Variants in ZMYM3 observed in about 807,000 individuals in gnomAD.
ZMYM3 encodes the protein zinc finger MYM-type protein 3.
Under a neutral mutation model 94.2 loss-of-function variants are expected in ZMYM3, and 6 were observed. The observed-to-expected ratio is 0.06, with a 90% CI of 0.03 to 0.13. The LOEUF (loss-of-function observed/expected upper bound fraction) is 0.13. ZMYM3 is among the 10% of genes least tolerant of loss of function. The pLI, the probability that ZMYM3 is intolerant of heterozygous loss-of-function variation, is 1.00. For missense variants in ZMYM3, 664 were observed against 1,132.6 expected, an observed-to-expected ratio of 0.59 and a Z score of 5.94; for synonymous variants, 420 against 426.5, an observed-to-expected ratio of 0.98 and a Z score of 0.19.
rs755939731 is a variant in ZMYM3 at position 71,249,012 on chromosome X, C to T, written c.1621+7G>A. 8 of 1,210,966 alleles carry T rather than the reference C, an allele frequency of 6.6e-6. No homozygotes were observed. The highest frequency in any genetic ancestry group is 3.5e-5 in the African/African-American group (2 of 57,644). On this transcript the variant is annotated splice_region_variant and intron_variant, in intron 8 of 24. Coordinates refer to ENST00000314425, the MANE Select transcript of ZMYM3 (RefSeq NM_201599.3). ...AGGGGACTCAGAGAAGAGGGCTTTG[C>T]ACCTACCAGTGAGCCCTGCCTGCTT... is the stretch of plus-strand genomic sequence containing the variant.
chrX:71,255,128 C>CTCTCTCTCTG (rs2030704071), upstream of ZMYM3: 1 of 89,778 alleles, frequency 1.1e-5, no homozygotes, highest in Non-Finnish European at 2.2e-5. Context: ...CTCTCTCTCT[C>CTCTCTCTCTG]TCTCTCTCTC....
At chrX:71,241,425 G>A (rs890481322) in intron 23 of ZMYM3, 81 bp from the exon 24 acceptor site, 52 of 744,147 alleles carry the variant, frequency 7.0e-5, no homozygotes, top group South Asian at 1.1e-4. Context: ...TCAGGGCACA[G>A]GGAGAAGGCG....
Position 71,240,942 on chromosome X carries a change from G to A in ZMYM3, c.4087C>T (p.Arg1363Cys), listed in dbSNP as rs1171454033. ...CAGTCCAGGTCTTCCTCCCCAGGAC[G>A]ACCCAGTTCCTCATAAATCTCGCGC... ...AVREIYEELG[R>C]PGEEDLD Residue 1363 changes from arginine (R) to cysteine (C), a missense_variant, in exon 25 of 25, where the codon CGT becomes TGT. Coordinates refer to ENST00000314425, the MANE Select transcript of ZMYM3 (RefSeq NM_201599.3). 35 of 1,209,197 alleles carry A rather than the reference G, an allele frequency of 2.9e-5. No homozygotes were observed. Among genetic ancestry groups the A allele is most frequent in the Non-Finnish European group, 3.9e-5 (35 of 894,829 alleles).
At chrX:71,246,263 A>G (rs1293221292) in intron 15 of ZMYM3, 90 bp downstream of exon 15, 4 of 1,152,119 alleles carry the variant, frequency 3.5e-6, no homozygotes, top group Non-Finnish European at 4.7e-6. Flanking sequence ...TCAGCTACCT[A>G]AGAAATCCCC....
chrX:71,248,397 C>G lies in ZMYM3; in HGVS notation c.1824+41G>C, dbSNP rs775449796. The stretch of plus-strand genomic sequence containing the variant: ...AAGTGGAAGGACCCCTTCAGACAGT[C>G]TGGTCGTGTGGCAAGACGTGGGTGG... On this transcript the variant is annotated intron_variant, in intron 10 of 24. Transcript: ENST00000314425. The G allele has an allele frequency of 1.0e-5, 12 of 1,193,742 alleles. No homozygotes were observed. In the East Asian group the frequency reaches 3.6e-4, roughly 36 times the overall value.
upstream of ZMYM3, chrX:71,255,211 GCTCTCT>G (rs1176621878): frequency 6.8e-5 from 5 of 73,384 alleles, no homozygotes; most frequent in African/African-American, 2.6e-4. Flanking sequence ...CTCTCTTCTC[GCTCTCT>G]CTCTCTCTCT....
rs1474042610 is a variant in ZMYM3 at position 71,249,511 on chromosome X, C to G, written c.1420G>C (p.Gly474Arg). 1 of 1,203,633 alleles carries G rather than the reference C, an allele frequency of 8.3e-7. No individual in the cohort carries two copies. The change falls in exon 7 of 25, where the codon GGC becomes CGC. Residue 474 changes from glycine (G) to arginine (R), a missense_variant. This residue lies in a region of ZMYM3 where 159 missense variants were observed against 313.0 expected (regional missense o/e 0.51). Transcript: ENST00000314425. ...SPGPELLFHE[G>R]QQKRFCNTTC... ...GTGTTGCAGAACCGCTTTTGTTGGC[C>G]CTCGTGGAAGAGGAGCTCAGGGCCA...
At chrX:71,247,575 C>CG in intron 12 of ZMYM3, 65 bp from the exon 13 acceptor site, 1 of 1,160,947 alleles carries the variant, frequency 8.6e-7, no homozygotes, top group Non-Finnish European at 1.2e-6. Flanking sequence ...TTCTTTCCCC[C>CG]GGGATAAGCC....
intron 1 of ZMYM3, among the ~76,000 whole-genome samples, chrX:71,253,501 T>C (rs1243944711): frequency 1.2e-5 from 1 of 81,853 alleles, no homozygotes; most frequent in South Asian, 6.6e-4. Flanking sequence ...GTGCCCACAC[T>C]GGCCAGGCAG....
In ZMYM3 at chrX:71,246,479, G is replaced by GCC; in HGVS notation, c.2445_2446insGG (p.Pro816GlyfsTer24). 1 of 333,450 alleles carries GCC rather than the reference G, an allele frequency of 3.0e-6. No homozygotes were observed. The highest frequency in any genetic ancestry group is 5.6e-6 in the Non-Finnish European group (1 of 178,483). The allele number at this position is 333,450 out of a possible 1,213,427, so 27.5% of individuals were successfully genotyped here. A position where few individuals can be genotyped will look rare whatever the true frequency, so the allele number is the denominator to read the frequency against. ...GGGGGTGGTGGGGGTGGAGGGGTGGGAGCAGTGGGAGCTGATCGGGTCTTC... is the reference window on the plus strand; with the variant it reads ...GGGGGTGGTGGGGGTGGAGGGGTGGGCCAGCAGTGGGAGCTGATCGGGTCTTC... On this transcript the variant is annotated frameshift_variant, in exon 15 of 25. Transcript: ENST00000314425. LOFTEE classifies it high-confidence loss of function.
Position 71,246,479 on chromosome X carries a change from G to GGA in ZMYM3, c.2445_2446insTC (p.Pro816SerfsTer24). ...GGGGGTGGTGGGGGTGGAGGGGTGG[G>GGA]AGCAGTGGGAGCTGATCGGGTCTTC... On this transcript the variant is annotated frameshift_variant, in exon 15 of 25. Coordinates refer to ENST00000314425, the MANE Select transcript of ZMYM3 (RefSeq NM_201599.3). LOFTEE classifies it high-confidence loss of function. The GGA allele has an allele frequency of 2.1e-5, 7 of 333,464 alleles. No individual in the cohort carries two copies. The highest frequency in any genetic ancestry group is 3.9e-5 in the Non-Finnish European group (7 of 178,498). The allele number at this position is 333,464 out of a possible 1,213,427, so 27.5% of individuals were successfully genotyped here. A position where few individuals can be genotyped will look rare whatever the true frequency, so the allele number is the denominator to read the frequency against.
At position 71,246,073 on chromosome X, in the gene ZMYM3, C is replaced by T; in HGVS notation, c.2598G>A (p.Val866=). The T allele has an allele frequency of 4.1e-6, 5 of 1,210,923 alleles. No homozygotes were observed. Among genetic ancestry groups the T allele is most frequent in the Non-Finnish European group, 5.6e-6 (5 of 895,087 alleles). The change falls in exon 16 of 25, where the codon GTG becomes GTA. Residue 866 remains valine, a synonymous_variant. Coordinates refer to ENST00000314425, the MANE Select transcript of ZMYM3 (RefSeq NM_201599.3). ...CGAAGATGGGCACTGGGATGGGCAG[C>T]ACGATCACCTGTGGCTTCCACTCTT... is the stretch of plus-strand genomic sequence containing the variant. ...QTEEWKPQVI[V]LPIPVPIFVP... is the part of the protein sequence containing the mutation.
upstream of ZMYM3, chrX:71,255,219 T>C (rs758754560): frequency 9.6e-6 from 1 of 104,234 alleles, no homozygotes; most frequent in African/African-American, 3.5e-5. Context: ...TCGCTCTCTC[T>C]CTCTCTCTCC....
Position 71,252,894 on chromosome X carries a change from GGGGTCTGGCCCCCTGGTCCAGGCTCTA to G in ZMYM3, c.335_361del (p.Leu112_Thr120del). On this transcript the variant is annotated inframe_deletion, in exon 2 of 25. Coordinates refer to ENST00000314425, the MANE Select transcript of ZMYM3 (RefSeq NM_201599.3). ...CCCTGGATCAGGTGGTACCACCTCA[GGGGTCTGGCCCCCTGGTCCAGGCTCTA>G]GGGTCTGATCTCCTGCATCCCATGC... The G allele has an allele frequency of 8.3e-7, 1 of 1,210,741 alleles. No homozygotes were observed. The highest frequency in any genetic ancestry group is 1.7e-5 in the African/African-American group (1 of 57,928).
At position 71,242,188 on chromosome X, in the gene ZMYM3, G is replaced by A. The variant is rs759704463; in HGVS notation, c.3784C>T (p.Arg1262Cys). The A allele has an allele frequency of 3.4e-6, 4 of 1,190,092 alleles. No individual in the cohort carries two copies. The highest frequency in any genetic ancestry group is 3.1e-5 in the East Asian group (1 of 32,604). Residue 1262 changes from arginine to cysteine, a missense_variant, in exon 23 of 25, where the codon CGC (arginine) becomes TGC (cysteine). Transcript: ENST00000314425. ...CTCGTACCTCGCCCTTTCCTCTGGC[G>A]GACTGGGGCATAGTAGCGGATGCTC... ...VVSIRYYAPV[R>C]QRKGRDTGPG...
At position 71,250,461 on chromosome X, in the gene ZMYM3, C is replaced by T. The variant is rs756278931; in HGVS notation, c.1044G>A (p.Ser348=). ...TGCAGAAGGTACAGGTCTTTTTGCC[C>T]GAGGGCTTCTTGGAGAAAGTGGTGA... ...SCLTTFSKKP[S]GKKTCTFCKK... The change falls in exon 5 of 25, where the codon TCG becomes TCA. Residue 348 remains serine (S), a synonymous_variant. Transcript: ENST00000314425. 73 of 1,208,697 alleles carry T rather than the reference C, an allele frequency of 6.0e-5. No individual in the cohort carries two copies. The highest frequency in any genetic ancestry group is 1.4e-4 in the South Asian group (8 of 56,455).
At position 71,252,623 on chromosome X, in the gene ZMYM3, C is replaced by T. The variant is rs757978899; in HGVS notation, c.633G>A (p.Gly211=). The change falls in exon 2 of 25, where the codon GGG becomes GGA. Residue 211 remains glycine, a synonymous_variant. Coordinates refer to ENST00000314425, the MANE Select transcript of ZMYM3 (RefSeq NM_201599.3). ...DGINSSQTKP[G]GSSPPAHPSL... ...AAGGATGTGCAGGGGGGCTAGAGCC[C>T]CCAGGTTTGGTCTGAGAACTGTTGA... 1 of 1,141,993 alleles carries T rather than the reference C, an allele frequency of 8.8e-7. No individual in the cohort carries two copies. The highest frequency in any genetic ancestry group is 3.0e-5 in the East Asian group (1 of 32,984). 94.1% of individuals were successfully genotyped at this position (1,141,993 alleles called of 1,213,427 possible).
Position 71,240,772 on chromosome X carries a change from A to T in ZMYM3, c.*144T>A. ...GAAGAAGATAAAAGCCAGGGTTCCT[A>T]GAGAAGGCAGGGAATGGGTGAGCGG... On this transcript the variant is annotated 3_prime_UTR_variant, in exon 25 of 25. Transcript: ENST00000314425. The T allele has an allele frequency of 1.7e-6, 1 of 585,096 alleles. No homozygotes were observed. Among genetic ancestry groups the T allele is most frequent in the Non-Finnish European group, 2.6e-6 (1 of 378,016 alleles). The allele number at this position is 585,096 out of a possible 1,213,427, so 48.2% of individuals were successfully genotyped here. A position where few individuals can be genotyped will look rare whatever the true frequency, so the allele number is the denominator to read the frequency against.
chrX:71,248,187 T>C lies in ZMYM3; in HGVS notation c.1950A>G (p.Gly650=). 1.7e-6 allele frequency: 2 copies of C among 1,210,164 alleles called. No individual in the cohort carries two copies. Among genetic ancestry groups the C allele is most frequent in the South Asian group, 1.8e-5 (1 of 56,498 alleles). The change falls in exon 11 of 25, where the codon GGA becomes GGG. Residue 650 remains glycine, a synonymous_variant. Coordinates refer to ENST00000314425, the MANE Select transcript of ZMYM3 (RefSeq NM_201599.3). The part of the protein sequence containing the change: ...KLLHEKLRFS[G]VEKSFCSEGC... ...CTTCGCTGCAGAAGCTTTTCTCCAC[T>C]CCGCTGAATCGGAGTTTCTCATGCA...
Sources: gnomAD v4.1 joint callset for allele counts (sites outside exome capture counted in the v4.1 genomes callset) on GRCh38, gnomAD v4.1.1 for gene constraint, gnomAD v4.1.1 regional missense constraint, MANE v1.5 for transcripts, NCBI Gene and HGNC (gene_info 2026-07-23, HGNC 2026-07-21) for gene names.